Variants in CYLD observed in about 807,000 individuals in gnomAD.
CYLD encodes CYLD lysine 63 deubiquitinase, also known as ubiquitin carboxyl-terminal hydrolase CYLD.
In CYLD, 26 loss-of-function variants were observed where a neutral mutation model predicts 104.5. The ratio of observed to expected loss-of-function variants is 0.25; its 90% CI spans 0.18 to 0.35. The LOEUF (loss-of-function observed/expected upper bound fraction) is 0.35, where lower values mean the gene tolerates loss of function less well. Among genes scored for constraint, CYLD ranks in the 10% least tolerant of loss-of-function variants. The pLI is 1.00. For missense variants in CYLD, 703 were observed against 1,136.1 expected (o/e 0.62, Z 5.48); for synonymous variants, 385 against 399.9 (o/e 0.96, Z 0.45).
intron 5 of CYLD, among the ~76,000 whole-genome samples, chr16:50,769,551 A>G (rs992646369): frequency 2.0e-5 from 3 of 152,206 alleles, no homozygotes; most frequent in African/African-American, 7.2e-5. Flanking sequence ...TTATTTATAA[A>G]TTTTGAATAC....
intron 5 of CYLD, among the ~76,000 whole-genome samples, chr16:50,761,111 A>AT (rs1019902954): frequency 6.6e-6 from 1 of 152,132 alleles, no homozygotes; most frequent in African/African-American, 2.4e-5. Context: ...TCTGTTGCCT[A>AT]TTTTTAAATT....
At chr16:50,767,795 G>A (rs1020100329) in intron 5 of CYLD, among the ~76,000 whole-genome samples, 1 of 151,982 alleles carries the variant, frequency 6.6e-6, no homozygotes, top group African/African-American at 2.4e-5. Context: ...ATTTCCTTCT[G>A]TCTATTTTTT....
At chr16:50,787,973 A>G in intron 14 of CYLD, 121 bp downstream of exon 14, 1 of 637,076 alleles carries the variant, frequency 1.6e-6, no homozygotes, top group Non-Finnish European at 2.8e-6. Context: ...TAGGGCTCTT[A>G]ATAGGCTAGG....
chr16:50,742,411 CA>C (rs1965768645), intron 1 of CYLD: 1 of 181,798 alleles, frequency 5.5e-6, no homozygotes, highest in African/African-American at 2.3e-5. Flanking sequence ...TTCCCCCCCC[CA>C]CCGGGGCTTC....
At chr16:50,753,932 T>G (rs1474550935) in intron 4 of CYLD, among the ~76,000 whole-genome samples, 1 of 152,212 alleles carries the variant, frequency 6.6e-6, no homozygotes, top group Non-Finnish European at 1.5e-5. Context: ...GAGGCAGGTT[T>G]CTGGGTGAAA....
Position 50,789,413 on chromosome 16 carries a change from A to G in CYLD, c.2108+1561A>G, listed in dbSNP as rs550171678. 1.3e-5 allele frequency among the ~76,000 whole-genome samples: 2 copies of G among 152,332 alleles called. 1 individual carries two copies. The highest frequency in any genetic ancestry group is 4.8e-5 in the African/African-American group (2 of 41,576). On this transcript the variant is annotated intron_variant, in intron 14 of 18. Coordinates refer to ENST00000427738, the MANE Select transcript of CYLD (RefSeq NM_001378743.1). ...TCTAGCCTACACACTTATGGAATGT[A>G]ATACACGCCCAGTAATAACATAGGT...
At chr16:50,762,159 A>AC (rs1360212940) in intron 5 of CYLD, among the ~76,000 whole-genome samples, 2 of 149,170 alleles carry the variant, frequency 1.3e-5, no homozygotes, top group East Asian at 2.0e-4. Flanking sequence ...CCCATCATCC[A>AC]CCCCCCGCCA....
chr16:50,761,093 T>C (rs1298919000), intron 5 of CYLD, among the ~76,000 whole-genome samples: 4 of 152,248 alleles, frequency 2.6e-5, no homozygotes, highest in Admixed American at 6.5e-5. Flanking sequence ...TTCTGTGAAC[T>C]GTTTGCATCT....
At chr16:50,791,794 GAAACA>G in intron 15 of CYLD, 104 bp downstream of exon 15, 1 of 1,310,444 alleles carries the variant, frequency 7.6e-7, no homozygotes, top group Non-Finnish European at 1.1e-6. Context: ...AGAAAAGTTT[GAAACA>G]CAAACTGTTA....
In CYLD at chr16:50,794,827, C is replaced by T. The variant is rs1184325178; in HGVS notation, c.2686+399C>T. 1 of 290,702 alleles carries T rather than the reference C, an allele frequency of 3.4e-6. No homozygotes were observed. The highest frequency in any genetic ancestry group is 6.7e-6 in the Non-Finnish European group (1 of 149,376). The allele number at this position is 290,702 out of a possible 1,614,324, so 18.0% of individuals were successfully genotyped here. ...GTAGAGATGGGCTTCTGCCATGTTG[C>T]CCAAGCTGGTCTCAAATTCCTGGCC... On this transcript the variant is annotated intron_variant, in intron 18 of 18. Coordinates refer to ENST00000427738, the MANE Select transcript of CYLD (RefSeq NM_001378743.1). The surrounding 1 kb of genome is among the most constrained non-coding windows in gnomAD (Gnocchi z 4.1).
At chr16:50,781,185 T>C (rs1567448013) in intron 9 of CYLD, 61 bp from the exon 10 acceptor site, 2 of 1,589,652 alleles carry the variant, frequency 1.3e-6, no homozygotes, top group East Asian at 4.5e-5. Flanking sequence ...GAAACCTTAG[T>C]TCTTTGTATA....
At chr16:50,749,192 G>T (rs1419267552) in intron 2 of CYLD, among the ~76,000 whole-genome samples, 2 of 152,154 alleles carry the variant, frequency 1.3e-5, no homozygotes, top group Non-Finnish European at 2.9e-5. Flanking sequence ...ACAAGAGTGA[G>T]ACCCTGTCTC....
Position 50,742,771 on chromosome 16 carries a change from T to G in CYLD, c.-194T>G, listed in dbSNP as rs1189208302. On this transcript the variant is annotated 5_prime_UTR_variant, in exon 2 of 19. Coordinates refer to ENST00000427738, the MANE Select transcript of CYLD (RefSeq NM_001378743.1). ...CTGCTTTTTCTTTCAGTTTCCCCCT[T>G]TCTAGGGTGAGGATGGTTCTACACA... 1.5e-5 allele frequency: 6 copies of G among 398,566 alleles called. No homozygotes were observed. The highest frequency in any genetic ancestry group is 2.7e-5 in the Non-Finnish European group (6 of 226,106). The allele number at this position is 398,566 out of a possible 1,614,324, so 24.7% of individuals were successfully genotyped here. A position where few individuals can be genotyped will look rare whatever the true frequency, so the allele number is the denominator to read the frequency against.
chr16:50,750,005 A>G lies in CYLD; in HGVS notation c.307A>G (p.Ile103Val). The G allele has an allele frequency of 6.2e-7, 1 of 1,614,154 alleles. No homozygotes were observed. Among genetic ancestry groups the G allele is most frequent in the Non-Finnish European group, 8.5e-7 (1 of 1,179,998 alleles). The change falls in exon 3 of 19, where the codon ATT becomes GTT. Residue 103 changes from isoleucine to valine, a missense_variant. This residue lies in a region of CYLD where 142 missense variants were observed against 165.1 expected (regional missense o/e 0.86). Coordinates refer to ENST00000427738, the MANE Select transcript of CYLD (RefSeq NM_001378743.1). ...NEKFTELLLA[I>V]TNCEERFSLF... ...AAAGTTCACAGAGTTACTTTTGGCA[A>G]TTACCAATTGTGAGGAGAGGTTCAG...
At position 50,751,710 on chromosome 16, in the gene CYLD, T is replaced by C. The variant is rs1450587659; in HGVS notation, c.611T>C (p.Leu204Pro). 2 of 1,613,842 alleles carry C rather than the reference T, an allele frequency of 1.2e-6. No individual in the cohort carries two copies. Among genetic ancestry groups the C allele is most frequent in the Non-Finnish European group, 1.7e-6 (2 of 1,179,854 alleles). ...GVFVALDKLE[L>P]IEDDDTALES... The stretch of plus-strand genomic sequence containing the variant: ...TTTGTTGCATTGGACAAGCTAGAAC[T>C]CATAGAAGATGATGACACTGCATTG... Residue 204 changes from leucine (L) to proline (P), a missense_variant, in exon 4 of 19, where the codon CTC becomes CCC. This residue lies in a region of CYLD where 123 missense variants were observed against 213.3 expected (regional missense o/e 0.58). Coordinates refer to ENST00000427738, the MANE Select transcript of CYLD (RefSeq NM_001378743.1).
At position 50,801,137 on chromosome 16, in the gene CYLD, G is replaced by A. The variant is rs994359406; in HGVS notation, c.*4629G>A. On this transcript the variant is annotated 3_prime_UTR_variant, in exon 19 of 19. Transcript: ENST00000427738. ...GAGGTGGGAGGAGGGGAGAAAGACTGTTCATCTTATTCTGAATCCTGGAGC... is the reference window on the plus strand; with the variant it reads ...GAGGTGGGAGGAGGGGAGAAAGACTATTCATCTTATTCTGAATCCTGGAGC... 13 of 233,352 alleles carry A rather than the reference G, an allele frequency of 5.6e-5. No homozygotes were observed. The highest frequency in any genetic ancestry group is 1.0e-4 in the Non-Finnish European group (12 of 118,096). 14.5% of individuals were successfully genotyped at this position (233,352 alleles called of 1,614,324 possible).
At chr16:50,781,158 A>G in intron 9 of CYLD, 88 bp from the exon 10 acceptor site, 2 of 1,428,838 alleles carry the variant, frequency 1.4e-6, no homozygotes, top group Non-Finnish European at 2.0e-6. Flanking sequence ...GAAAGGGTAT[A>G]CTAGAAACAG....
At chr16:50,784,811 T>C (rs1970640010) in intron 12 of CYLD, 1 of 258,118 alleles carries the variant, frequency 3.9e-6, no homozygotes, top group South Asian at 4.3e-5. Context: ...ATCATGCTTA[T>C]TAGTTAAATT....
At chr16:50,769,494 G>A (rs1437020839) in intron 5 of CYLD, among the ~76,000 whole-genome samples, 2 of 152,128 alleles carry the variant, frequency 1.3e-5, no homozygotes, top group South Asian at 4.1e-4. Flanking sequence ...ATCTGTGAAA[G>A]TCTTTGGCCG....
Sources: allele counts gnomAD v4.1 joint callset (sites outside exome capture counted in the v4.1 genomes callset), GRCh38; gene constraint gnomAD v4.1.1; regional missense constraint gnomAD v4.1.1; non-coding constraint Gnocchi (gnomAD v3.1); transcripts MANE v1.5; gene names NCBI Gene and HGNC (gene_info 2026-07-23, HGNC 2026-07-21).